VPS13B: variants seen among roughly 807,000 people sequenced by gnomAD.
VPS13B encodes intermembrane lipid transfer protein VPS13B.
A neutral mutation model predicts 426.4 loss-of-function variants in VPS13B; 285 were observed. That is an observed-to-expected ratio of 0.67 (90% CI 0.61 to 0.74). The LOEUF is 0.74. Ranked by LOEUF, VPS13B falls within the 30% of genes least tolerant of loss-of-function variation. VPS13B has a pLI of 0.00. For missense variants in VPS13B, 4,537 were observed against 4,782.6 expected (o/e 0.95, Z 1.51); for synonymous variants, 1,676 against 1,676.4 (o/e 1.00, Z 0.01).
intron 21 of VPS13B, among the ~76,000 whole-genome samples, chr8:99,425,482 A>G (rs1816643933): frequency 6.6e-6 from 1 of 152,226 alleles, no homozygotes; most frequent in Admixed American, 6.5e-5. Flanking sequence ...TTATCTCAAT[A>G]GATGCAGAAA....
intron 33 of VPS13B, among the ~76,000 whole-genome samples, chr8:99,604,207 C>T (rs1827459737): frequency 6.6e-6 from 1 of 152,072 alleles, no homozygotes; most frequent in Non-Finnish European, 1.5e-5. Context: ...CTTAGATTTA[C>T]AGAAAAGTTA....
chr8:99,146,050 G>A (rs1269844983), intron 13 of VPS13B, among the ~76,000 whole-genome samples: 1 of 114,002 alleles, frequency 8.8e-6, no homozygotes, highest in Non-Finnish European at 1.9e-5. Context: ...TTTTAAAGTT[G>A]TGTTTCCTTA....
chr8:99,842,010 C>T (rs1358883321), intron 54 of VPS13B, among the ~76,000 whole-genome samples: 1 of 152,168 alleles, frequency 6.6e-6, no homozygotes, highest in Non-Finnish European at 1.5e-5. Context: ...CACTCCTGTT[C>T]CCCCTCTACA....
intron 2 of VPS13B, among the ~76,000 whole-genome samples, chr8:99,025,982 T>C (rs1563490059): frequency 6.6e-6 from 1 of 152,206 alleles, no homozygotes; most frequent in African/African-American, 2.4e-5. Context: ...TCCTTTGTAT[T>C]GTTTGGTCTC....
At chr8:99,757,110 A>T (rs1355014765) in intron 39 of VPS13B, among the ~76,000 whole-genome samples, 1 of 152,154 alleles carries the variant, frequency 6.6e-6, no homozygotes, top group African/African-American at 2.4e-5. Flanking sequence ...CTATCAAAAC[A>T]CCGATGATGG....
intron 25 of VPS13B, among the ~76,000 whole-genome samples, chr8:99,483,072 C>T (rs1820128542): frequency 6.6e-6 from 1 of 152,050 alleles, no homozygotes; most frequent in Admixed American, 6.5e-5. Context: ...GGATAAGAAT[C>T]AAGTAAACGG....
chr8:99,584,599 C>T (rs1223349501), intron 33 of VPS13B, among the ~76,000 whole-genome samples: 3 of 152,032 alleles, frequency 2.0e-5, no homozygotes, highest in African/African-American at 7.2e-5. Context: ...GGAAGTAAAG[C>T]ATAGACAAAT....
chr8:99,384,780 A>G (rs1460310513), intron 20 of VPS13B, among the ~76,000 whole-genome samples: 1 of 152,136 alleles, frequency 6.6e-6, no homozygotes, highest in African/African-American at 2.4e-5. Context: ...CCCGAGTTCA[A>G]GTGATTCTTG....
chr8:99,431,293 C>G (rs1167689481), intron 21 of VPS13B, among the ~76,000 whole-genome samples: 1 of 152,166 alleles, frequency 6.6e-6, no homozygotes, highest in Non-Finnish European at 1.5e-5. Flanking sequence ...AGTCTACCTT[C>G]TAGTCACTAA....
At chr8:99,017,864 T>C (rs1841700367) in intron 2 of VPS13B, among the ~76,000 whole-genome samples, 1 of 152,262 alleles carries the variant, frequency 6.6e-6, no homozygotes, top group African/African-American at 2.4e-5. Flanking sequence ...TTAGTGTTTT[T>C]TGCTGAGATT....
chr8:99,140,368 CAA>C (rs5893482), intron 12 of VPS13B, among the ~76,000 whole-genome samples: 64 of 74,648 alleles, frequency 8.6e-4, no homozygotes, highest in African/African-American at 2.0e-3. Context: ...AGCTCTGTCT[CAA>C]AAAAAAAAAA....
intron 23 of VPS13B, among the ~76,000 whole-genome samples, chr8:99,458,949 T>A (rs1818680756): frequency 6.6e-6 from 1 of 152,186 alleles, no homozygotes; most frequent in Admixed American, 6.5e-5. Context: ...CAATTTTGGC[T>A]TTTGTTGCCA....
chr8:99,080,832 G>T (rs1271050455), intron 3 of VPS13B, among the ~76,000 whole-genome samples: 1 of 152,058 alleles, frequency 6.6e-6, no homozygotes, highest in African/African-American at 2.4e-5. Flanking sequence ...TGGTTTGTAA[G>T]GTTATTTTTA....
intron 16 of VPS13B, among the ~76,000 whole-genome samples, chr8:99,173,487 C>T (rs1034635511): frequency 4.6e-5 from 7 of 152,130 alleles, no homozygotes; most frequent in Non-Finnish European, 8.8e-5. Flanking sequence ...CCCTGTTCTT[C>T]GTAATACCAC....
chr8:99,566,182 T>C (rs1825172102), intron 31 of VPS13B, among the ~76,000 whole-genome samples: 1 of 151,742 alleles, frequency 6.6e-6, no homozygotes, highest in African/African-American at 2.4e-5. Flanking sequence ...AGGGCAGAGA[T>C]CCTGTCTTGC....
chr8:99,130,449 G>A (rs1040365290), intron 8 of VPS13B, among the ~76,000 whole-genome samples: 10 of 149,792 alleles, frequency 6.7e-5, no homozygotes, highest in South Asian at 2.1e-4. Context: ...GTGCAGTGGC[G>A]CAGTCTCGGC....
chr8:99,045,288 G>GT (rs1455699364), intron 3 of VPS13B, among the ~76,000 whole-genome samples: 1 of 151,930 alleles, frequency 6.6e-6, no homozygotes, highest in Non-Finnish European at 1.5e-5. Context: ...TTTGATTTGC[G>GT]TTTCCCTGAT....
chr8:99,599,551 A>C (rs911093764), intron 33 of VPS13B, among the ~76,000 whole-genome samples: 1 of 152,052 alleles, frequency 6.6e-6, no homozygotes, highest in African/African-American at 2.4e-5. Flanking sequence ...TTGGTTTCCT[A>C]TCTGAGTTTG....
At position 99,224,758 on chromosome 8, in the gene VPS13B, G is replaced by C. The variant is rs117625198; in HGVS notation, c.2515+31701G>C. Reference sequence around the variant, plus strand: ...TTTACATGTTTTTTATTTATTATATGTTTACCATTTTATGTTATGCTCTTC... The same window carrying C: ...TTTACATGTTTTTTATTTATTATATCTTTACCATTTTATGTTATGCTCTTC... On this transcript the variant is annotated intron_variant, in intron 17 of 61. Transcript: ENST00000357162. Among the ~76,000 whole-genome samples, 1,171 of 151,936 alleles carry C rather than the reference G, an allele frequency of 7.7e-3. 9 individuals carry two copies. The highest frequency in any genetic ancestry group is 0.016 in the South Asian group (76 of 4,810).
Sources: allele counts gnomAD v4.1 joint callset (sites outside exome capture counted in the v4.1 genomes callset), GRCh38; gene constraint gnomAD v4.1.1; transcripts MANE v1.5; gene names NCBI Gene and HGNC (gene_info 2026-07-23, HGNC 2026-07-21).